PTPRD: variants seen among roughly 807,000 people sequenced by gnomAD.
PTPRD encodes receptor-type tyrosine-protein phosphatase delta.
Under a neutral mutation model 214.5 loss-of-function variants are expected in PTPRD, and 34 were observed. The ratio of observed to expected loss-of-function variants is 0.16; its 90% CI spans 0.12 to 0.21. PTPRD has a LOEUF of 0.21. Ranked by LOEUF, PTPRD falls within the 10% of genes least tolerant of loss-of-function variation. The pLI, the probability that PTPRD is intolerant of heterozygous loss-of-function variation, is 1.00. For missense variants in PTPRD, 2,545 were observed against 2,398.7 expected, an observed-to-expected ratio of 1.06 and a Z score of -1.27; for synonymous variants, 1,128 against 845.7, an observed-to-expected ratio of 1.33 and a Z score of -5.79.
chr9:8,922,441 C>A (rs749301752), intron 11 of PTPRD, among the ~76,000 whole-genome samples: 2 of 152,180 alleles, frequency 1.3e-5, no homozygotes, highest in Non-Finnish European at 2.9e-5. Flanking sequence ...TTACCTCCTA[C>A]GAATATGAGA....
At chr9:10,384,048 G>A (rs1358487125) in intron 2 of PTPRD, among the ~76,000 whole-genome samples, 1 of 148,730 alleles carries the variant, frequency 6.7e-6, no homozygotes, top group African/African-American at 2.5e-5. Flanking sequence ...AGGGACTGAG[G>A]AGGAGGTGGG....
chr9:10,091,554 G>A (rs967918579), intron 3 of PTPRD, among the ~76,000 whole-genome samples: 3 of 151,446 alleles, frequency 2.0e-5, no homozygotes, highest in South Asian at 2.1e-4. Flanking sequence ...GTATCACAAA[G>A]TCTTAAGTCT....
intron 43 of PTPRD, 143 bp downstream of exon 43, chr9:8,338,778 TA>T (rs35311961): frequency 4.3e-5 from 25 of 582,278 alleles, no homozygotes; most frequent in Admixed American, 1.2e-4. Flanking sequence ...ATATTAAACA[TA>T]AAAAAAAACG....
chr9:9,538,048 G>C (rs1297191193), intron 8 of PTPRD, among the ~76,000 whole-genome samples: 1 of 151,658 alleles, frequency 6.6e-6, no homozygotes, highest in Non-Finnish European at 1.5e-5. Flanking sequence ...ACAGAATCTG[G>C]ACTGGAGTCA....
At chr9:8,559,657 C>T (rs1344554938) in intron 14 of PTPRD, among the ~76,000 whole-genome samples, 1 of 152,208 alleles carries the variant, frequency 6.6e-6, no homozygotes, top group East Asian at 1.9e-4. Context: ...AATGCCTAAG[C>T]TTCAGTCACA....
intron 10 of PTPRD, among the ~76,000 whole-genome samples, chr9:9,148,431 A>T (rs2154486171): frequency 6.6e-6 from 1 of 152,314 alleles, no homozygotes; most frequent in South Asian, 2.1e-4. Context: ...TGACTTCAGC[A>T]GACGGAAAGA....
chr9:10,459,199 T>G (rs888343597), intron 2 of PTPRD, among the ~76,000 whole-genome samples: 2 of 152,174 alleles, frequency 1.3e-5, no homozygotes, highest in African/African-American at 4.8e-5. Flanking sequence ...GTTCCTAGCT[T>G]CATCCATGTC....
chr9:9,628,401 G>A (rs1303784654), intron 7 of PTPRD, among the ~76,000 whole-genome samples: 2 of 151,970 alleles, frequency 1.3e-5, no homozygotes, highest in Admixed American at 6.6e-5. Flanking sequence ...CTTTCTGCTG[G>A]CATCTTTGAT....
intron 7 of PTPRD, among the ~76,000 whole-genome samples, chr9:9,606,631 T>A (rs1015129192): frequency 1.3e-5 from 2 of 151,998 alleles, no homozygotes; most frequent in African/African-American, 4.8e-5. Context: ...GCAGCCTTAA[T>A]ATTCCTGAAT....
chr9:8,433,733 A>G (rs2095211260), intron 35 of PTPRD, among the ~76,000 whole-genome samples: 2 of 152,232 alleles, frequency 1.3e-5, no homozygotes, highest in South Asian at 4.1e-4. Context: ...AGTGATATCA[A>G]AAGAGAGTCA....
rs186581596 is a variant in PTPRD at position 10,293,381 on chromosome 9, T to C, written c.-545+47582A>G. 2.9e-3 allele frequency among the ~76,000 whole-genome samples: 438 copies of C among 152,088 alleles called. 4 individuals carry two copies. Among genetic ancestry groups the C allele is most frequent in the Non-Finnish European group, 2.1e-3 (142 of 67,902 alleles). ...CAGACACACACATTAGAAATGGACA[T>C]TGTTTCAAGTTATACAGAATTAACA... is the stretch of plus-strand genomic sequence containing the variant. On this transcript the variant is annotated intron_variant, in intron 3 of 45. Transcript: ENST00000381196.
chr9:9,633,058 G>A (rs1342141045), intron 7 of PTPRD, among the ~76,000 whole-genome samples: 1 of 152,148 alleles, frequency 6.6e-6, no homozygotes, highest in Non-Finnish European at 1.5e-5. Flanking sequence ...ACTTTGGGAG[G>A]TGGAGGCAGG....
Position 10,394,748 on chromosome 9 carries a change from C to G in PTPRD, c.-599-53731G>C, listed in dbSNP as rs1349014967. 2.0e-5 allele frequency among the ~76,000 whole-genome samples: 3 copies of G among 149,814 alleles called. No individual in the cohort carries two copies. In the Admixed American group the frequency reaches 2.0e-4, roughly 10 times the overall value. The stretch of plus-strand genomic sequence containing the variant: ...TAAATGTACAATGATTTAAAATAAG[C>G]CATTTAATAATTTAGATTTTTGATT... On this transcript the variant is annotated intron_variant, in intron 2 of 45. Coordinates refer to ENST00000381196, the MANE Select transcript of PTPRD (RefSeq NM_002839.4).
intron 10 of PTPRD, among the ~76,000 whole-genome samples, chr9:9,057,589 A>G (rs1312106567): frequency 1.3e-5 from 2 of 152,134 alleles, no homozygotes; most frequent in Non-Finnish European, 2.9e-5. Flanking sequence ...ATTCAGAGAG[A>G]AAGTTGATGG....
At chr9:10,271,349 C>G (rs1015479513) in intron 3 of PTPRD, among the ~76,000 whole-genome samples, 1 of 148,076 alleles carries the variant, frequency 6.8e-6, no homozygotes, top group Non-Finnish European at 1.5e-5. Context: ...AAATCTACTG[C>G]TTATTTTTGA....
chr9:9,368,049 G>A (rs1243292199), intron 9 of PTPRD, among the ~76,000 whole-genome samples: 3 of 151,510 alleles, frequency 2.0e-5, no homozygotes, highest in Non-Finnish European at 3.0e-5. Context: ...CTTTATTTAG[G>A]GCCATAAACT....
At chr9:8,557,069 G>C (rs1478723366) in intron 14 of PTPRD, among the ~76,000 whole-genome samples, 4 of 152,114 alleles carry the variant, frequency 2.6e-5, no homozygotes, top group Non-Finnish European at 5.9e-5. Flanking sequence ...CAGTAAAGGA[G>C]GACCAGTGAG....
chr9:8,514,700 T>C (rs753037032), intron 21 of PTPRD, among the ~76,000 whole-genome samples: 18 of 152,132 alleles, frequency 1.2e-4, no homozygotes, highest in Non-Finnish European at 1.9e-4. Context: ...ATACCTACAC[T>C]GGCATAAAAA....
chr9:8,404,575 G>A lies in PTPRD; in HGVS notation c.4172C>T (p.Ala1391Val), dbSNP rs1168914682. 6.2e-7 allele frequency: 1 copy of A among 1,613,274 alleles called. No homozygotes were observed. The highest frequency in any genetic ancestry group is 2.2e-5 in the East Asian group (1 of 44,830). The part of the protein sequence containing the change: ...KPKNRYANVI[A>V]YDHSRVLLSA... Reference sequence around the variant, plus strand: ...TAGGAGAACCCGGGAATGATCATATGCGATTACATTCGCGTATCTATTCTT... The same window carrying A: ...TAGGAGAACCCGGGAATGATCATATACGATTACATTCGCGTATCTATTCTT... Residue 1391 changes from alanine to valine, a missense_variant, in exon 36 of 46, where the codon GCA (alanine) becomes GTA (valine). Coordinates refer to ENST00000381196, the MANE Select transcript of PTPRD (RefSeq NM_002839.4).
Sources: allele counts gnomAD v4.1 joint callset (sites outside exome capture counted in the v4.1 genomes callset), GRCh38; gene constraint gnomAD v4.1.1; transcripts MANE v1.5; gene names NCBI Gene and HGNC (gene_info 2026-07-23, HGNC 2026-07-21).